PTPRN2: variants seen among roughly 807,000 people sequenced by gnomAD.
PTPRN2 encodes protein tyrosine phosphatase receptor type N2.
A neutral mutation model predicts 118.8 loss-of-function variants in PTPRN2; 74 were observed. The ratio of observed to expected loss-of-function variants is 0.62; its 90% confidence interval spans 0.52 to 0.76. The LOEUF (loss-of-function observed/expected upper bound fraction) is 0.76. PTPRN2 is among the 30% of genes least tolerant of loss of function. PTPRN2 has a pLI of 0.00. For missense variants in PTPRN2, 1,481 were observed against 1,394.4 expected (o/e 1.06, Z -0.99); for synonymous variants, 641 against 608.0 (o/e 1.05, Z -0.80).
rs963912275 is a variant in PTPRN2 at position 157,702,188 on chromosome 7, C to T, written c.1789-19251G>A. 1.0e-4 allele frequency among the ~76,000 whole-genome samples: 15 copies of T among 149,436 alleles called. No homozygotes were observed. In the South Asian group the frequency reaches 2.3e-3, roughly 23 times the overall value. ...ACGGGCTGTGGGTTTGTAAGAGAGC[C>T]GGGTAGGTGCTGGTGTAACTGACGT... On this transcript the variant is annotated intron_variant, in intron 12 of 22. Coordinates refer to ENST00000389418, the MANE Select transcript of PTPRN2 (RefSeq NM_002847.5).
intron 9 of PTPRN2, among the ~76,000 whole-genome samples, chr7:158,115,351 T>A: frequency 6.6e-6 from 1 of 152,100 alleles, no homozygotes; most frequent in East Asian, 1.9e-4. Flanking sequence ...GGTCATAGAC[T>A]GCGATGTGTC....
chr7:157,968,732 T>G (rs1802114108), intron 11 of PTPRN2, among the ~76,000 whole-genome samples: 1 of 152,310 alleles, frequency 6.6e-6, no homozygotes, highest in African/African-American at 2.4e-5. Flanking sequence ...TGTGTTTTGT[T>G]TTTTCCAAGT....
intron 11 of PTPRN2, among the ~76,000 whole-genome samples, chr7:157,952,035 C>T (rs540110783): frequency 1.8e-4 from 28 of 152,232 alleles, no homozygotes; most frequent in Non-Finnish European, 3.1e-4. Context: ...TCCTCCCAAG[C>T]TCACAGTCTA....
chr7:158,184,957 G>A (rs1825019819), intron 5 of PTPRN2, among the ~76,000 whole-genome samples: 2 of 152,202 alleles, frequency 1.3e-5, no homozygotes, highest in African/African-American at 4.8e-5. Context: ...CGTCATGGAT[G>A]GATGGATGCT....
intron 12 of PTPRN2, among the ~76,000 whole-genome samples, chr7:157,761,811 G>A (rs1802147967): frequency 6.6e-6 from 1 of 151,114 alleles, no homozygotes; most frequent in Non-Finnish European, 1.5e-5. Flanking sequence ...GAGTGAACAG[G>A]CAACCTACAG....
chr7:158,071,266 TG>T lies in PTPRN2; in HGVS notation c.1723+10031del, dbSNP rs1193851197. On this transcript the variant is annotated intron_variant, in intron 11 of 22. Transcript: ENST00000389418. ...GCTCGTAGTATGGAGGTGCCCGTGG[TG>T]GTGGAGGTGCCCGTGGTGGTGGAGG... is the stretch of plus-strand genomic sequence containing the variant. Among the ~76,000 whole-genome samples, 130 of 46,130 alleles carry T rather than the reference TG, an allele frequency of 2.8e-3. 6 individuals are homozygous for T. Among genetic ancestry groups the T allele is most frequent in the East Asian group, 5.5e-3 (3 of 544 alleles). The allele number at this position is 46,130 out of a possible 152,430, so 30.3% of individuals were successfully genotyped here.
chr7:157,547,689 G>C (rs971236107), intron 22 of PTPRN2, among the ~76,000 whole-genome samples: 2 of 152,110 alleles, frequency 1.3e-5, no homozygotes, highest in Admixed American at 6.5e-5. Flanking sequence ...AAATCATCAC[G>C]CAGCCACGCA....
At chr7:158,285,602 C>G (rs916413113) in intron 3 of PTPRN2, among the ~76,000 whole-genome samples, 1 of 152,210 alleles carries the variant, frequency 6.6e-6, no homozygotes, top group African/African-American at 2.4e-5. Context: ...AGCCCTGCCT[C>G]CACAGCTTCT....
chr7:158,265,700 G>A (rs533928506), intron 3 of PTPRN2, among the ~76,000 whole-genome samples: 36 of 152,324 alleles, frequency 2.4e-4, no homozygotes, highest in Admixed American at 1.6e-3. Flanking sequence ...GCACAGCCCC[G>A]GGTACACAGC....
In PTPRN2 at chr7:158,333,207, T is replaced by A. The variant is rs1295902341; in HGVS notation, c.164-16275A>T. On this transcript the variant is annotated intron_variant, in intron 2 of 22. Coordinates refer to ENST00000389418, the MANE Select transcript of PTPRN2 (RefSeq NM_002847.5). Reference sequence around the variant, plus strand: ...ACCCACACTCTCACCATAAGAGCTGTCGCCCGCAGACGTGACTCACACCCA... The same window carrying A: ...ACCCACACTCTCACCATAAGAGCTGACGCCCGCAGACGTGACTCACACCCA... Among the ~76,000 whole-genome samples the A allele has an allele frequency of 4.1e-3, 198 of 47,752 alleles. 2 individuals are homozygous for A. The highest frequency in any genetic ancestry group is 5.0e-3 in the South Asian group (8 of 1,592). 31.3% of individuals were successfully genotyped at this position (47,752 alleles called of 152,430 possible).
intron 11 of PTPRN2, among the ~76,000 whole-genome samples, chr7:157,952,523 A>G (rs1800901956): frequency 6.6e-6 from 1 of 151,714 alleles, no homozygotes; most frequent in South Asian, 2.1e-4. Flanking sequence ...CCGTGGTGGA[A>G]CGTGGGTAGG....
intron 3 of PTPRN2, among the ~76,000 whole-genome samples, chr7:158,272,798 CG>C (rs1798601925): frequency 6.6e-6 from 1 of 152,088 alleles, no homozygotes; most frequent in Non-Finnish European, 1.5e-5. Context: ...TGAGGGCCAT[CG>C]GGGAGGTGCC....
intron 6 of PTPRN2, among the ~76,000 whole-genome samples, chr7:158,156,515 C>T (rs563702342): frequency 4.6e-5 from 7 of 152,288 alleles, no homozygotes; most frequent in South Asian, 2.1e-4. Context: ...TGAGCTAAGC[C>T]GACATCTGCA....
rs1447912294 is a variant in PTPRN2, at chr7:157,540,794, C to T, written c.2977-9G>A. 7.1e-6 allele frequency: 11 copies of T among 1,554,154 alleles called. No individual in the cohort carries two copies. In the East Asian group the frequency reaches 7.2e-5, roughly 10 times the overall value. On this transcript the variant is annotated splice_polypyrimidine_tract_variant and intron_variant, in intron 22 of 22. Transcript: ENST00000389418. The stretch of plus-strand genomic sequence containing the variant: ...GCGAACTCAAACTGCTCCTGCAGGG[C>T]GAGAAACGAGAGAAGTGCCAATGAG...
intron 1 of PTPRN2, among the ~76,000 whole-genome samples, chr7:158,576,396 G>A (rs1203995139): frequency 6.6e-6 from 1 of 152,192 alleles, no homozygotes; most frequent in African/African-American, 2.4e-5. Flanking sequence ...GCACATTCCA[G>A]GCACAAGTGT....
chr7:157,723,410 C>T (rs536175383), intron 12 of PTPRN2, among the ~76,000 whole-genome samples: 111 of 152,340 alleles, frequency 7.3e-4, no homozygotes, highest in African/African-American at 2.6e-3. Context: ...CACGGCTTCT[C>T]CCTGAACCAG....
At chr7:158,368,929 C>T (rs377621812) in intron 2 of PTPRN2, among the ~76,000 whole-genome samples, 1 of 152,244 alleles carries the variant, frequency 6.6e-6, no homozygotes, top group East Asian at 1.9e-4. Context: ...AGTATTGATC[C>T]TGGGTGTGTC....
At chr7:157,631,750 T>C (rs1803965306) in intron 14 of PTPRN2, among the ~76,000 whole-genome samples, 1 of 150,436 alleles carries the variant, frequency 6.6e-6, no homozygotes, top group South Asian at 2.1e-4. Flanking sequence ...GAGAACGGCG[T>C]GAACCCGGGA....
At chr7:158,522,709 C>T (rs911151926) in intron 1 of PTPRN2, among the ~76,000 whole-genome samples, 1 of 152,170 alleles carries the variant, frequency 6.6e-6, no homozygotes, top group Non-Finnish European at 1.5e-5. Context: ...GTGAGGCACT[C>T]GGACCACCGG....
Sources: gnomAD v4.1 joint callset for allele counts (sites outside exome capture counted in the v4.1 genomes callset) on GRCh38, gnomAD v4.1.1 for gene constraint, MANE v1.5 for transcripts, NCBI Gene and HGNC (gene_info 2026-07-23, HGNC 2026-07-21) for gene names.